ABCA9: variants seen among roughly 807,000 people sequenced by gnomAD.
The protein encoded by ABCA9 is ATP binding cassette subfamily A member 9, also known as ATP-binding cassette sub-family A member 9.
In ABCA9, 183 loss-of-function variants were observed where a neutral mutation model predicts 205.3. The observed-to-expected ratio is 0.89, with a 90% CI of 0.79 to 1.01. ABCA9 has a LOEUF of 1.01. Among genes scored for constraint, ABCA9 ranks in the 50% least tolerant of loss-of-function variants. ABCA9 has a pLI of 0.00. For missense variants in ABCA9, 1,805 were observed against 1,912.4 expected (o/e 0.94, Z 1.05); for synonymous variants, 651 against 683.3 (o/e 0.95, Z 0.74).
intron 34 of ABCA9, among the ~76,000 whole-genome samples, chr17:68,984,525 A>C (rs1253976624): frequency 6.6e-6 from 1 of 152,230 alleles, no homozygotes; most frequent in Non-Finnish European, 1.5e-5. Flanking sequence ...GAAACTTCCC[A>C]AAAATAATTT....
At chr17:69,025,484 A>G (rs550216319) in intron 16 of ABCA9, among the ~76,000 whole-genome samples, 6 of 152,178 alleles carry the variant, frequency 3.9e-5, no homozygotes, top group Non-Finnish European at 5.9e-5. Context: ...AGACAACTGA[A>G]CTATGAAACA....
intron 25 of ABCA9, among the ~76,000 whole-genome samples, chr17:69,001,614 G>C (rs886503645): frequency 1.3e-5 from 2 of 151,808 alleles, no homozygotes; most frequent in African/African-American, 4.8e-5. Context: ...TTTGGTATCA[G>C]AATGATGCTG....
chr17:69,049,512 AG>A, intron 2 of ABCA9, 22 bp from the exon 3 acceptor site: 1 of 1,565,810 alleles, frequency 6.4e-7, no homozygotes, highest in Middle Eastern at 2.2e-4. Context: ...TAAGAGAAAA[AG>A]GAAACAAACT....
Position 69,045,271 on chromosome 17 carries a change from C to G in ABCA9, c.370G>C (p.Asp124His). Reference sequence around the variant, plus strand: ...TCAGTAAAGATGACTCTCACTGCGTCTATTGAATAGTTCAAATCCAATTCA... The same window carrying G: ...TCAGTAAAGATGACTCTCACTGCGTGTATTGAATAGTTCAAATCCAATTCA... ...MDELDLNYSIDAVRVIFTDTF... is the reference protein window; with the variant it reads ...MDELDLNYSIHAVRVIFTDTF... The change falls in exon 4 of 39, where the codon GAC becomes CAC. Residue 124 changes from aspartate to histidine, a missense_variant. Coordinates refer to ENST00000340001, the MANE Select transcript of ABCA9 (RefSeq NM_080283.4). 1 of 1,613,164 alleles carries G rather than the reference C, an allele frequency of 6.2e-7. No individual in the cohort carries two copies. The highest frequency in any genetic ancestry group is 2.2e-5 in the East Asian group (1 of 44,792).
At position 69,027,754 on chromosome 17, in the gene ABCA9, C is replaced by T. The variant is rs760745433; in HGVS notation, c.1677G>A (p.Lys559=). The T allele has an allele frequency of 1.2e-6, 2 of 1,612,828 alleles. No individual in the cohort carries two copies. The highest frequency in any genetic ancestry group is 1.7e-6 in the Non-Finnish European group (2 of 1,179,414). The part of the protein sequence containing the change: ...SRMADIENIS[K]FTGFCPQSNV... Reference sequence around the variant, plus strand: ...TGGATTGTGGACAAAATCCAGTGAACTTGCTGATATTTTCTATATCAGCCA... The same window carrying T: ...TGGATTGTGGACAAAATCCAGTGAATTTGCTGATATTTTCTATATCAGCCA... Residue 559 remains lysine, a synonymous_variant, in exon 13 of 39, where the codon AAG becomes AAA. Coordinates refer to ENST00000340001, the MANE Select transcript of ABCA9 (RefSeq NM_080283.4).
intron 22 of ABCA9, among the ~76,000 whole-genome samples, chr17:69,012,756 G>C (rs1026758201): frequency 1.3e-5 from 2 of 152,014 alleles, no homozygotes; most frequent in Admixed American, 1.3e-4. Flanking sequence ...TACTCTTTTA[G>C]TTATTTTTAA....
In ABCA9 at chr17:68,995,973, A is replaced by G. The variant is rs757583420; in HGVS notation, c.3477T>C (p.Tyr1159=). Reference sequence around the variant, plus strand: ...TGCCAAAAAATAGCCCTAGAAATCCATATTCATTTAGATCAGTAGCAACTA... The same window carrying G: ...TGCCAAAAAATAGCCCTAGAAATCCGTATTCATTTAGATCAGTAGCAACTA... ...FSIVATDLNE[Y]GFLGLFFGTM... Residue 1159 remains tyrosine (Y), a synonymous_variant, in exon 26 of 39, where the codon TAT becomes TAC. Coordinates refer to ENST00000340001, the MANE Select transcript of ABCA9 (RefSeq NM_080283.4). 153 of 1,613,680 alleles carry G rather than the reference A, an allele frequency of 9.5e-5. No homozygotes were observed. Among genetic ancestry groups the G allele is most frequent in the Non-Finnish European group, 1.3e-4 (149 of 1,179,910 alleles).
intron 23 of ABCA9, among the ~76,000 whole-genome samples, chr17:69,011,415 A>G (rs1331254462): frequency 1.3e-5 from 2 of 152,210 alleles, no homozygotes; most frequent in African/African-American, 4.8e-5. Flanking sequence ...GTTTAAGAGC[A>G]GAATAAATAA....
rs775468594 is a variant in ABCA9, at chr17:69,007,805, C to T, written c.3389G>A (p.Arg1130His). 24 of 1,610,874 alleles carry T rather than the reference C, an allele frequency of 1.5e-5. No individual in the cohort carries two copies. Among genetic ancestry groups the T allele is most frequent in the African/African-American group, 5.4e-5 (4 of 74,710 alleles). Residue 1130 changes from arginine (R) to histidine (H), a missense_variant, in exon 25 of 39, where the codon CGC becomes CAC. By Grantham distance (29) the Arg-to-His change is conservative. Coordinates refer to ENST00000340001, the MANE Select transcript of ABCA9 (RefSeq NM_080283.4). ...AATGCCACTATTTTTTCTCCCATTG[C>T]GAAAAATGAATGAAATCACATATGT... ...FLTYVISFIF[R>H]NGRKNSGIWS...
At chr17:69,019,757 T>C (rs990986747) in intron 19 of ABCA9, 2 of 152,256 alleles carry the variant, frequency 1.3e-5, no homozygotes, top group Non-Finnish European at 2.9e-5. Flanking sequence ...CATGTGAACC[T>C]TATAGTGGGT....
At chr17:69,051,947 T>C (rs1441334817) in intron 1 of ABCA9, among the ~76,000 whole-genome samples, 5 of 152,110 alleles carry the variant, frequency 3.3e-5, no homozygotes, top group Admixed American at 6.5e-5. Flanking sequence ...GGGTGAAAAG[T>C]GGGAATTGGA....
At chr17:69,046,857 C>A (rs1042450218) in intron 3 of ABCA9, among the ~76,000 whole-genome samples, 2 of 133,258 alleles carry the variant, frequency 1.5e-5, no homozygotes, top group African/African-American at 2.9e-5. Context: ...ATACACATTG[C>A]CTGAAGGCGA....
chr17:68,979,043 G>C (rs1332175782), intron 37 of ABCA9, among the ~76,000 whole-genome samples: 2 of 152,030 alleles, frequency 1.3e-5, no homozygotes, highest in Non-Finnish European at 2.9e-5. Context: ...AAACCCCATC[G>C]TCTCAGCCCA....
chr17:69,045,533 T>C (rs1224857153), intron 3 of ABCA9, among the ~76,000 whole-genome samples, 197 bp from the exon 4 acceptor site: 1 of 151,806 alleles, frequency 6.6e-6, no homozygotes, highest in South Asian at 2.1e-4. Context: ...CAAACATTTG[T>C]ATTGCAAATA....
chr17:68,994,061 A>G (rs1240369482), intron 26 of ABCA9, among the ~76,000 whole-genome samples: 2 of 152,172 alleles, frequency 1.3e-5, no homozygotes, highest in Non-Finnish European at 2.9e-5. Flanking sequence ...TTTTTAGTAG[A>G]GATGGGGTTT....
At chr17:69,054,032 A>G (rs1031716235) in intron 1 of ABCA9, among the ~76,000 whole-genome samples, 1 of 152,184 alleles carries the variant, frequency 6.6e-6, no homozygotes, top group African/African-American at 2.4e-5. Context: ...TAAAGTATTT[A>G]ATGTGCTCAG....
intron 1 of ABCA9, among the ~76,000 whole-genome samples, chr17:69,059,778 ATTTAT>A (rs1375071041): frequency 6.6e-6 from 1 of 152,004 alleles, no homozygotes; most frequent in Non-Finnish European, 1.5e-5. Context: ...ATTGCTGGAC[ATTTAT>A]TTTATGACGT....
At chr17:68,988,032 G>C (rs2069304146) in intron 31 of ABCA9, among the ~76,000 whole-genome samples, 1 of 152,130 alleles carries the variant, frequency 6.6e-6, no homozygotes. Flanking sequence ...CCAAAGTTCT[G>C]GGATTACAGG....
chr17:68,976,785 T>C (rs958333214), intron 37 of ABCA9, among the ~76,000 whole-genome samples: 1 of 152,234 alleles, frequency 6.6e-6, no homozygotes, highest in Non-Finnish European at 1.5e-5. Flanking sequence ...CACTGTTCCA[T>C]GTACCTTTGC....
Sources: gnomAD v4.1 joint callset for allele counts (sites outside exome capture counted in the v4.1 genomes callset) on GRCh38, gnomAD v4.1.1 for gene constraint, MANE v1.5 for transcripts, NCBI Gene and HGNC (gene_info 2026-07-23, HGNC 2026-07-21) for gene names.